CNTN6: variants seen among roughly 807,000 people sequenced by gnomAD.
The protein encoded by CNTN6 is contactin 6.
A neutral mutation model predicts 122.8 loss-of-function variants in CNTN6; 137 were observed. The observed-to-expected ratio is 1.12, with a 90% CI of 0.97 to 1.29. The LOEUF is 1.29. CNTN6 is among the 50% of genes most tolerant of loss of function. CNTN6 has a pLI of 0.00. For missense variants in CNTN6, 1,634 were observed against 1,223.4 expected (o/e 1.34, Z -5.01); for synonymous variants, 570 against 426.0 (o/e 1.34, Z -4.16).
rs544254848 is a variant in CNTN6 at position 1,403,689 on chromosome 3, T to C, written c.*271T>C. 1.8e-5 allele frequency: 4 copies of C among 224,188 alleles called. No homozygotes were observed. The highest frequency in any genetic ancestry group is 6.8e-5 in the African/African-American group (3 of 43,998). The allele number at this position is 224,188 out of a possible 1,614,324, so 13.9% of individuals were successfully genotyped here. A position where few individuals can be genotyped will look rare whatever the true frequency, so the allele number is the denominator to read the frequency against. On this transcript the variant is annotated 3_prime_UTR_variant, in exon 23 of 23. Transcript: ENST00000446702. The stretch of plus-strand genomic sequence containing the variant: ...ACTGCTGTGTCTTTTAAGTTACTTA[T>C]ATGGAGAAAATAAATAACTCCCCTC...
At chr3:1,280,014 C>T (rs1024105159) in intron 5 of CNTN6, among the ~76,000 whole-genome samples, 6 of 151,942 alleles carry the variant, frequency 3.9e-5, no homozygotes, top group East Asian at 1.9e-4. Context: ...TATTTTTTAA[C>T]GGTATAGAAG....
At chr3:1,294,887 C>G (rs1164131925) in intron 5 of CNTN6, among the ~76,000 whole-genome samples, 1 of 152,064 alleles carries the variant, frequency 6.6e-6, no homozygotes, top group Non-Finnish European at 1.5e-5. Context: ...ACTGGTGTGA[C>G]CTTTATAGGG....
chr3:1,268,269 C>G lies in CNTN6; in HGVS notation c.359-10144C>G, dbSNP rs149823973. Among the ~76,000 whole-genome samples, 419 of 152,270 alleles carry G rather than the reference C, an allele frequency of 2.8e-3. 1 individual carries two copies. The highest frequency in any genetic ancestry group is 8.7e-3 in the African/African-American group (363 of 41,552). On this transcript the variant is annotated intron_variant, in intron 4 of 22. Transcript: ENST00000446702. ...CTAGGCAGTGAGGGTCACTAACCATCAGTCTAACAACTTGTGTCAAGTTGG... is the reference window on the plus strand; with the variant it reads ...CTAGGCAGTGAGGGTCACTAACCATGAGTCTAACAACTTGTGTCAAGTTGG...
intron 11 of CNTN6, among the ~76,000 whole-genome samples, chr3:1,342,872 A>C (rs1704106209): frequency 6.6e-6 from 1 of 152,166 alleles, no homozygotes; most frequent in Non-Finnish European, 1.5e-5. Flanking sequence ...ACCGTTGGAC[A>C]ACGGGGATTG....
chr3:1,280,364 T>A (rs1259955902), intron 5 of CNTN6, among the ~76,000 whole-genome samples: 1 of 151,464 alleles, frequency 6.6e-6, no homozygotes, highest in Non-Finnish European at 1.5e-5. Flanking sequence ...TGCCATAAAA[T>A]TAAGTCACAC....
chr3:1,199,055 G>C (rs2093821096), intron 2 of CNTN6, among the ~76,000 whole-genome samples: 1 of 151,988 alleles, frequency 6.6e-6, no homozygotes, highest in South Asian at 2.1e-4. Context: ...ACCACCAAAA[G>C]AAACCAGAAC....
At chr3:1,363,590 A>G (rs1056497728) in intron 12 of CNTN6, among the ~76,000 whole-genome samples, 2 of 151,882 alleles carry the variant, frequency 1.3e-5, no homozygotes, top group Non-Finnish European at 2.9e-5. Flanking sequence ...AAATGGTAGT[A>G]TCTCCTTCTT....
chr3:1,187,272 C>A (rs1194686652), intron 2 of CNTN6, among the ~76,000 whole-genome samples: 1 of 151,386 alleles, frequency 6.6e-6, no homozygotes, highest in South Asian at 2.1e-4. Flanking sequence ...TCTATCCATA[C>A]ATACTTTTTT....
chr3:1,157,266 G>A (rs576553365), intron 2 of CNTN6, among the ~76,000 whole-genome samples: 1 of 151,482 alleles, frequency 6.6e-6, no homozygotes, highest in African/African-American at 2.4e-5. Flanking sequence ...TGCCCAGGCT[G>A]GAGTGCGGTG....
At chr3:1,336,193 C>A (rs1403139002) in intron 11 of CNTN6, among the ~76,000 whole-genome samples, 1 of 151,678 alleles carries the variant, frequency 6.6e-6, no homozygotes, top group Non-Finnish European at 1.5e-5. Context: ...AAATAAAATA[C>A]AGCTAAATGT....
intron 7 of CNTN6, among the ~76,000 whole-genome samples, chr3:1,306,421 A>C (rs1186611314): frequency 1.3e-5 from 2 of 152,212 alleles, no homozygotes; most frequent in Non-Finnish European, 2.9e-5. Context: ...AATTATTCAG[A>C]AATTGAAAGA....
chr3:1,193,750 T>C (rs1393770490), intron 2 of CNTN6, among the ~76,000 whole-genome samples: 1 of 152,138 alleles, frequency 6.6e-6, no homozygotes, highest in South Asian at 2.1e-4. Flanking sequence ...TATTTGTATA[T>C]GATGCAGTCC....
intron 5 of CNTN6, among the ~76,000 whole-genome samples, chr3:1,293,377 T>G (rs1204634036): frequency 2.0e-5 from 3 of 152,142 alleles, no homozygotes; most frequent in Non-Finnish European, 4.4e-5. Context: ...TCATTCCCAT[T>G]TTCAAGAGTT....
At chr3:1,168,914 C>T (rs113699598) in intron 2 of CNTN6, among the ~76,000 whole-genome samples, 2,687 of 152,056 alleles carry the variant, frequency 0.018, 71 homozygotes, top group African/African-American at 0.059. Context: ...ACTGTTTTAA[C>T]GGAATCAAAC....
At chr3:1,343,093 T>C (rs1269238166) in intron 11 of CNTN6, among the ~76,000 whole-genome samples, 5 of 152,188 alleles carry the variant, frequency 3.3e-5, no homozygotes, top group African/African-American at 4.8e-5. Context: ...TTCCACATAA[T>C]AAATAGTAAA....
intron 1 of CNTN6, among the ~76,000 whole-genome samples, chr3:1,125,853 T>C (rs1236199976): frequency 6.6e-6 from 1 of 151,856 alleles, no homozygotes; most frequent in Admixed American, 6.6e-5. Flanking sequence ...GAGAAAAGAT[T>C]TGAGACAAAA....
intron 5 of CNTN6, among the ~76,000 whole-genome samples, chr3:1,288,833 ACT>A (rs1444664273): frequency 6.6e-6 from 1 of 152,168 alleles, no homozygotes; most frequent in Non-Finnish European, 1.5e-5. Context: ...ACATAATCAC[ACT>A]CTGGGGAAAA....
chr3:1,321,697 C>T lies in CNTN6; in HGVS notation c.809C>T (p.Pro270Leu). The T allele has an allele frequency of 6.2e-7, 1 of 1,611,576 alleles. No individual in the cohort carries two copies. The highest frequency in any genetic ancestry group is 8.5e-7 in the Non-Finnish European group (1 of 1,178,478). ...AGAAGGTTGGACGGGAGCCCGTTGC[C>T]AGGGAAAGTCAAGTACAGCAAATCC... Reference protein sequence around the residue: ...SWRRLDGSPLPGKVKYSKSQA... With the variant: ...SWRRLDGSPLLGKVKYSKSQA... The change falls in exon 8 of 23, where the codon CCA becomes CTA. Residue 270 changes from proline (P) to leucine (L), a missense_variant. Pro to Leu is a moderately conservative substitution (Grantham distance 98). Transcript: ENST00000446702.
intron 2 of CNTN6, among the ~76,000 whole-genome samples, chr3:1,151,218 GACTA>G (rs1186318879): frequency 6.6e-6 from 1 of 152,160 alleles, no homozygotes; most frequent in East Asian, 1.9e-4. Flanking sequence ...AGATGGCAGG[GACTA>G]TATCTTGCTG....
Sources: allele counts gnomAD v4.1 joint callset (sites outside exome capture counted in the v4.1 genomes callset), GRCh38; gene constraint gnomAD v4.1.1; transcripts MANE v1.5; gene names NCBI Gene and HGNC (gene_info 2026-07-23, HGNC 2026-07-21).